Variants in SNX31 observed in about 807,000 individuals in gnomAD.
SNX31 encodes sorting nexin-31.
SNX31 carries 58 observed loss-of-function variants against 65.4 expected under a neutral mutation model. That is an observed-to-expected ratio of 0.89 (90% CI 0.72 to 1.10). The LOEUF is 1.10. SNX31 is among the 50% of genes least tolerant of loss of function. SNX31 has a pLI of 0.00. For missense variants in SNX31, 523 were observed against 529.7 expected, an observed-to-expected ratio of 0.99 and a Z score of 0.12; for synonymous variants, 181 against 190.1, an observed-to-expected ratio of 0.95 and a Z score of 0.39.
intron 1 of SNX31, among the ~76,000 whole-genome samples, chr8:100,658,954 A>G (rs1809718966): frequency 6.6e-6 from 1 of 152,178 alleles, no homozygotes; most frequent in Admixed American, 6.5e-5. Context: ...TGCATTGTAC[A>G]GGTGGAAAAT....
At chr8:100,644,405 C>A (rs765467542) in intron 2 of SNX31, among the ~76,000 whole-genome samples, 3 of 152,168 alleles carry the variant, frequency 2.0e-5, no homozygotes, top group Admixed American at 6.5e-5. Context: ...TTCTTTAAAT[C>A]TATTTGGGCA....
chr8:100,625,404 A>C lies in SNX31; in HGVS notation c.321+4923T>G, dbSNP rs962261552. 1.3e-5 allele frequency among the ~76,000 whole-genome samples: 2 copies of C among 151,216 alleles called. No homozygotes were observed. The highest frequency in any genetic ancestry group is 2.9e-5 in the Non-Finnish European group (2 of 67,862). On this transcript the variant is annotated intron_variant, in intron 4 of 13. Coordinates refer to ENST00000311812, the MANE Select transcript of SNX31 (RefSeq NM_152628.4). This position sits in a 1 kb window ranked among gnomAD's most constrained non-coding sequence, Gnocchi z 4.2. ...ATTTTCTTGGATGCGCACCATGGCTATTAGACATTCCTCTGCCTCAGAGCA... is the reference window on the plus strand; with the variant it reads ...ATTTTCTTGGATGCGCACCATGGCTCTTAGACATTCCTCTGCCTCAGAGCA...
Position 100,633,995 on chromosome 8 carries a change from C to T in SNX31, c.256+1902G>A, listed in dbSNP as rs543529142. On this transcript the variant is annotated intron_variant, in intron 3 of 13. Transcript: ENST00000311812. ...TTGCTGCTAGGTAATATACAAACAG[C>T]CTGGGGTGGAAAGGGAACTTACCTT... is the stretch of plus-strand genomic sequence containing the variant. Among the ~76,000 whole-genome samples, 14 of 152,086 alleles carry T rather than the reference C, an allele frequency of 9.2e-5. No individual in the cohort carries two copies. In the South Asian group the frequency reaches 2.9e-3, roughly 32 times the overall value.
chr8:100,650,388 G>A (rs927475518), upstream of SNX31, among the ~76,000 whole-genome samples: 71 of 152,130 alleles, frequency 4.7e-4, no homozygotes, highest in African/African-American at 1.7e-3. Context: ...GTAAACAGAG[G>A]ACATCCTACC....
chr8:100,630,393 T>A lies in SNX31; in HGVS notation c.257-2A>T. Reference sequence around the variant, plus strand: ...TCAACACGTTTGGGTCCATGGTTACTGAAAAACATGGACGGTGAGCCAGGT... The same window carrying A: ...TCAACACGTTTGGGTCCATGGTTACAGAAAAACATGGACGGTGAGCCAGGT... On this transcript the variant is annotated splice_acceptor_variant, in intron 3 of 13. Transcript: ENST00000311812. LOFTEE classifies it high-confidence loss of function. The surrounding 1 kb of genome is among the most constrained non-coding windows in gnomAD (Gnocchi z 5.3). 6.2e-7 allele frequency: 1 copy of A among 1,611,564 alleles called. No homozygotes were observed. Among genetic ancestry groups the A allele is most frequent in the South Asian group, 1.1e-5 (1 of 90,542 alleles).
chr8:100,609,186 C>G lies in SNX31; in HGVS notation c.612-623G>C, dbSNP rs559285970. Among the ~76,000 whole-genome samples, 1 of 152,312 alleles carries G rather than the reference C, an allele frequency of 6.6e-6. No homozygotes were observed. The highest frequency in any genetic ancestry group is 1.9e-4 in the East Asian group (1 of 5,190). On this transcript the variant is annotated intron_variant, in intron 7 of 13. Transcript: ENST00000311812. The surrounding 1 kb of genome is among the most constrained non-coding windows in gnomAD (Gnocchi z 4.9). ...TCTCTCACCAACCCCACCACCAACG[C>G]TACATTCCAACCATGTTTTCTCTCC...
In SNX31 at chr8:100,609,808, C is replaced by A. The variant is rs1183735723; in HGVS notation, c.612-1245G>T. 6.6e-6 allele frequency among the ~76,000 whole-genome samples: 1 copy of A among 152,142 alleles called. No individual in the cohort carries two copies. The highest frequency in any genetic ancestry group is 1.9e-4 in the East Asian group (1 of 5,186). On this transcript the variant is annotated intron_variant, in intron 7 of 13. Transcript: ENST00000311812. The surrounding 1 kb of genome is among the most constrained non-coding windows in gnomAD (Gnocchi z 4.9). ...CACACATCCCAGAGGCCCCTGTGTG[C>A]AGAGAATAGACCCATCCCAGACTGG...
At position 100,594,059 on chromosome 8, in the gene SNX31, T is replaced by C. The variant is rs990268381; in HGVS notation, c.978+2580A>G. ...GGCTCACACCTGTAATCCCAGCACT[T>C]TGGGAGGCCGAAGCAGGCAGATTGT... On this transcript the variant is annotated intron_variant, in intron 10 of 13. Transcript: ENST00000311812. This position sits in a 1 kb window ranked among gnomAD's most constrained non-coding sequence, Gnocchi z 4.0. Among the ~76,000 whole-genome samples, 2 of 151,786 alleles carry C rather than the reference T, an allele frequency of 1.3e-5. No individual in the cohort carries two copies. The highest frequency in any genetic ancestry group is 4.8e-5 in the African/African-American group (2 of 41,308).
intron 9 of SNX31, 86 bp from the exon 10 acceptor site, chr8:100,596,928 G>T: frequency 1.8e-6 from 2 of 1,111,222 alleles, no homozygotes; most frequent in Non-Finnish European, 2.7e-6. Flanking sequence ...CATGTCAGAA[G>T]CTACTGCCAT....
At chr8:100,586,310 C>A (rs1347928973) in intron 11 of SNX31, among the ~76,000 whole-genome samples, 1 of 152,200 alleles carries the variant, frequency 6.6e-6, no homozygotes, top group Non-Finnish European at 1.5e-5. Flanking sequence ...ACATTTCCAC[C>A]TTTTACAAAA....
At chr8:100,631,222 C>T (rs780704619) in intron 3 of SNX31, among the ~76,000 whole-genome samples, 3 of 152,056 alleles carry the variant, frequency 2.0e-5, no homozygotes, top group Non-Finnish European at 4.4e-5. Flanking sequence ...TTTTAAAGCT[C>T]CTGACACAAA....
chr8:100,620,694 C>G (rs78429526), intron 4 of SNX31, among the ~76,000 whole-genome samples: 1 of 152,178 alleles, frequency 6.6e-6, no homozygotes, highest in African/African-American at 2.4e-5. Flanking sequence ...GATCATTGGG[C>G]TCATTGTTTC....
intron 4 of SNX31, among the ~76,000 whole-genome samples, chr8:100,627,552 T>G (rs1218778370): frequency 6.6e-6 from 1 of 152,190 alleles, no homozygotes; most frequent in Non-Finnish European, 1.5e-5. Context: ...TAAAAAAATT[T>G]TTTTTTCGAG....
intron 4 of SNX31, among the ~76,000 whole-genome samples, chr8:100,623,401 G>A (rs1026705527): frequency 6.6e-6 from 1 of 152,108 alleles, no homozygotes; most frequent in Non-Finnish European, 1.5e-5. Context: ...CATGGGATTT[G>A]GGGGAGAACA....
chr8:100,593,145 C>T (rs1278445400), intron 10 of SNX31, among the ~76,000 whole-genome samples: 2 of 152,028 alleles, frequency 1.3e-5, no homozygotes, highest in Non-Finnish European at 2.9e-5. Context: ...CATACCATAC[C>T]ATTGAATCGT....
intron 2 of SNX31, among the ~76,000 whole-genome samples, chr8:100,647,895 T>A (rs1005294461): frequency 6.6e-6 from 1 of 152,204 alleles, no homozygotes; most frequent in African/African-American, 2.4e-5. Context: ...CAATTCCCCA[T>A]GTGTTTCAGT....
intron 9 of SNX31, among the ~76,000 whole-genome samples, chr8:100,598,061 A>T (rs1815276736): frequency 6.6e-6 from 1 of 152,202 alleles, no homozygotes. Context: ...CACCTCCTTT[A>T]CAAGGACTCC....
At chr8:100,633,032 C>T (rs1818512868) in intron 3 of SNX31, among the ~76,000 whole-genome samples, 1 of 152,150 alleles carries the variant, frequency 6.6e-6, no homozygotes, top group South Asian at 2.1e-4. Flanking sequence ...TCCAGCAATC[C>T]TCCCACCTCA....
chr8:100,582,919 C>A (rs1231883222), intron 12 of SNX31, among the ~76,000 whole-genome samples: 1 of 151,052 alleles, frequency 6.6e-6, no homozygotes, highest in Non-Finnish European at 1.5e-5. Flanking sequence ...GAAGGCGGAG[C>A]TTGCAGTGAG....
Sources: gnomAD v4.1 joint callset for allele counts (sites outside exome capture counted in the v4.1 genomes callset) on GRCh38, gnomAD v4.1.1 for gene constraint, Gnocchi (gnomAD v3.1) non-coding constraint, MANE v1.5 for transcripts, NCBI Gene and HGNC (gene_info 2026-07-23, HGNC 2026-07-21) for gene names.